PARD3: variants seen among roughly 807,000 people sequenced by gnomAD.
The protein encoded by PARD3 is par-3 family cell polarity regulator.
A neutral mutation model predicts 155.4 loss-of-function variants in PARD3; 75 were observed. The ratio of observed to expected loss-of-function variants is 0.48; its 90% confidence interval spans 0.40 to 0.58. The LOEUF (loss-of-function observed/expected upper bound fraction) is 0.58, where lower values mean the gene tolerates loss of function less well. PARD3 is among the 20% of genes least tolerant of loss of function. The pLI, the probability that PARD3 is intolerant of heterozygous loss-of-function variation, is 0.00. For synonymous variants in PARD3, 576 were observed against 610.5 expected, an observed-to-expected ratio of 0.94 and a Z score of 0.83; for missense variants, 1,642 against 1,721.7, an observed-to-expected ratio of 0.95 and a Z score of 0.82.
intron 22 of PARD3, among the ~76,000 whole-genome samples, chr10:34,162,497 T>C (rs1191180485): frequency 2.0e-5 from 3 of 152,246 alleles, no homozygotes; most frequent in Non-Finnish European, 4.4e-5. Flanking sequence ...CACATACACA[T>C]GTGAGTATGT....
intron 2 of PARD3, among the ~76,000 whole-genome samples, chr10:34,577,370 T>C (rs1295444336): frequency 6.6e-6 from 1 of 152,186 alleles, no homozygotes; most frequent in African/African-American, 2.4e-5. Context: ...CTGTAGAATT[T>C]GCTTAATCCT....
At chr10:34,520,930 T>C (rs1469205228) in intron 2 of PARD3, among the ~76,000 whole-genome samples, 3 of 152,210 alleles carry the variant, frequency 2.0e-5, no homozygotes, top group African/African-American at 7.2e-5. Flanking sequence ...AATATCATCA[T>C]ACTTTTCATA....
At chr10:34,721,966 C>G (rs2094613726) in intron 1 of PARD3, among the ~76,000 whole-genome samples, 1 of 152,064 alleles carries the variant, frequency 6.6e-6, no homozygotes, top group African/African-American at 2.4e-5. Flanking sequence ...TCGCTTGAGT[C>G]CAGGAGTTCA....
At chr10:34,227,856 T>TCA (rs1554814034) in intron 22 of PARD3, among the ~76,000 whole-genome samples, 1 of 82,278 alleles carries the variant, frequency 1.2e-5, no homozygotes, top group Admixed American at 1.2e-4. Context: ...GAATTATTTT[T>TCA]TATATATATA....
intron 5 of PARD3, among the ~76,000 whole-genome samples, chr10:34,412,562 G>C (rs1385457359): frequency 6.6e-6 from 1 of 152,150 alleles, no homozygotes; most frequent in East Asian, 1.9e-4. Flanking sequence ...AACACAGAAT[G>C]TCCATTTCAA....
At chr10:34,547,638 G>A (rs943400549) in intron 2 of PARD3, among the ~76,000 whole-genome samples, 11 of 152,190 alleles carry the variant, frequency 7.2e-5, no homozygotes, top group Admixed American at 2.6e-4. Context: ...TTCCCGATAG[G>A]ACAGGTTATC....
chr10:34,398,815 T>C (rs980758933), intron 7 of PARD3, among the ~76,000 whole-genome samples: 2 of 152,214 alleles, frequency 1.3e-5, no homozygotes, highest in Non-Finnish European at 2.9e-5. Flanking sequence ...ACATGATTTT[T>C]AGACTCAAGG....
chr10:34,305,365 TTGTC>T (rs1957351125), intron 20 of PARD3, among the ~76,000 whole-genome samples: 2 of 152,240 alleles, frequency 1.3e-5, no homozygotes, highest in Admixed American at 1.3e-4. Flanking sequence ...GAGGCAGAGG[TTGTC>T]TGTAAGTGGC....
chr10:34,645,578 T>C (rs1288788087), intron 2 of PARD3, among the ~76,000 whole-genome samples: 1 of 152,196 alleles, frequency 6.6e-6, no homozygotes, highest in African/African-American at 2.4e-5. Context: ...CCTGGATTAT[T>C]TACCAAATTT....
chr10:34,481,873 C>G (rs2133210662), intron 3 of PARD3, among the ~76,000 whole-genome samples: 1 of 152,048 alleles, frequency 6.6e-6, no homozygotes, highest in South Asian at 2.1e-4. Context: ...TGCTCTGTCT[C>G]CCAAATGGGA....
intron 22 of PARD3, among the ~76,000 whole-genome samples, chr10:34,208,102 A>T (rs649546): frequency 0.23 from 34,884 of 152,208 alleles, 4,852 homozygotes; most frequent in Non-Finnish European, 0.29. Context: ...TTAGCTACAC[A>T]TCAGCAGAAT....
chr10:34,553,258 TGGAAAGGGCTGGTTAAA>T (rs371048170), intron 2 of PARD3, among the ~76,000 whole-genome samples: 10 of 152,018 alleles, frequency 6.6e-5, no homozygotes, highest in African/African-American at 2.4e-4. Context: ...GTCAGAACCA[TGGAAAGGGCTGGTTAAA>T]GGAAGGCTTC....
intron 1 of PARD3, among the ~76,000 whole-genome samples, chr10:34,709,678 G>C (rs113362484): frequency 6.6e-6 from 1 of 152,056 alleles, no homozygotes; most frequent in Non-Finnish European, 1.5e-5. Context: ...AGGACTCAGG[G>C]GCAGGAGCTG....
intron 2 of PARD3, among the ~76,000 whole-genome samples, chr10:34,635,309 T>C (rs2092429172): frequency 6.6e-6 from 1 of 152,216 alleles, no homozygotes. Flanking sequence ...TATTGGGCAA[T>C]AAGTCAGCTT....
intron 5 of PARD3, among the ~76,000 whole-genome samples, chr10:34,442,987 T>TC (rs2076545653): frequency 6.6e-6 from 1 of 152,046 alleles, no homozygotes; most frequent in Admixed American, 6.5e-5. Context: ...TTTTTTTTTT[T>TC]CACTTAGAAA....
intron 22 of PARD3, among the ~76,000 whole-genome samples, chr10:34,175,016 T>C (rs1416161896): frequency 6.6e-6 from 1 of 152,180 alleles, no homozygotes; most frequent in Non-Finnish European, 1.5e-5. Flanking sequence ...TACATGCTTA[T>C]TTTGACACCT....
At position 34,399,388 on chromosome 10, in the gene PARD3, G is replaced by A. The variant is rs1435717617; in HGVS notation, c.832C>T (p.Pro278Ser). The change falls in exon 7 of 25, where the codon CCC (proline) becomes TCC (serine). Residue 278 changes from proline (P) to serine (S), a missense_variant. Physicochemically the swap from Pro to Ser is moderately conservative, Grantham distance 74 (BLOSUM62 -1). Coordinates refer to ENST00000374788, the MANE Select transcript of PARD3 (RefSeq NM_001184785.2). ...LDDMVKLVEV[P>S]NDGGPLGIHV... ...ATTCCCAGAGGCCCTCCATCGTTGG[G>A]GACTTCTACGAGCTTTACCATATCA... The A allele has an allele frequency of 1.2e-6, 2 of 1,611,034 alleles. No individual in the cohort carries two copies. Among genetic ancestry groups the A allele is most frequent in the Non-Finnish European group, 8.5e-7 (1 of 1,177,312 alleles).
At chr10:34,467,877 T>C (rs978823614) in intron 4 of PARD3, among the ~76,000 whole-genome samples, 1 of 152,208 alleles carries the variant, frequency 6.6e-6, no homozygotes, top group Non-Finnish European at 1.5e-5. Flanking sequence ...AAGGCTAATG[T>C]TCTACTTCCC....
chr10:34,253,093 AGTAG>A (rs1436288652), intron 22 of PARD3, among the ~76,000 whole-genome samples: 1 of 152,220 alleles, frequency 6.6e-6, no homozygotes, highest in Non-Finnish European at 1.5e-5. Context: ...AAACTGTGGG[AGTAG>A]GTTTTAGATT....
Sources: allele counts gnomAD v4.1 joint callset (sites outside exome capture counted in the v4.1 genomes callset), GRCh38; gene constraint gnomAD v4.1.1; transcripts MANE v1.5; gene names NCBI Gene and HGNC (gene_info 2026-07-23, HGNC 2026-07-21).